Variants in LRP1B observed in about 807,000 individuals in gnomAD.
LRP1B encodes the protein low-density lipoprotein receptor-related protein 1B.
Under a neutral mutation model 556.6 loss-of-function variants are expected in LRP1B, and 217 were observed. That is an observed-to-expected ratio of 0.39 (90% CI 0.35 to 0.44). LRP1B has a LOEUF of 0.44. Among genes scored for constraint, LRP1B ranks in the 20% least tolerant of loss-of-function variants. The pLI, the probability that LRP1B is intolerant of heterozygous loss-of-function variation, is 1.00. For missense variants in LRP1B, 5,053 were observed against 5,620.8 expected, an observed-to-expected ratio of 0.90 and a Z score of 3.23; for synonymous variants, 2,047 against 1,865.8, an observed-to-expected ratio of 1.10 and a Z score of -2.50.
At chr2:141,906,173 A>G (rs1699755447) in intron 1 of LRP1B, among the ~76,000 whole-genome samples, 1 of 151,904 alleles carries the variant, frequency 6.6e-6, no homozygotes, top group African/African-American at 2.4e-5. Flanking sequence ...TGAAACATAC[A>G]GAGCACTTTT....
At chr2:141,223,647 G>A (rs1457615931) in intron 6 of LRP1B, among the ~76,000 whole-genome samples, 3 of 152,170 alleles carry the variant, frequency 2.0e-5, no homozygotes, top group Admixed American at 2.0e-4. Context: ...CAAGGCTACA[G>A]TAACCAAAAC....
At chr2:141,004,838 G>T (rs1697522958) in intron 15 of LRP1B, among the ~76,000 whole-genome samples, 1 of 152,064 alleles carries the variant, frequency 6.6e-6, no homozygotes, top group African/African-American at 2.4e-5. Context: ...GTCAGCAAAA[G>T]TTAATAAAAT....
chr2:141,668,689 A>C (rs1431511584), intron 2 of LRP1B, among the ~76,000 whole-genome samples: 1 of 152,152 alleles, frequency 6.6e-6, no homozygotes, highest in African/African-American at 2.4e-5. Flanking sequence ...CTTCAAGTCC[A>C]TGTATAATCT....
chr2:141,611,560 A>G (rs1688109451), intron 2 of LRP1B, among the ~76,000 whole-genome samples: 1 of 152,186 alleles, frequency 6.6e-6, no homozygotes, highest in Admixed American at 6.5e-5. Context: ...AAGGAGAGGG[A>G]TTTGCATTAG....
chr2:140,595,102 A>ATATATC (rs1682383595), intron 43 of LRP1B, among the ~76,000 whole-genome samples: 1 of 56,276 alleles, frequency 1.8e-5, no homozygotes, highest in Non-Finnish European at 3.5e-5. Context: ...ATATATATAT[A>ATATATC]TATATATATA....
intron 77 of LRP1B, among the ~76,000 whole-genome samples, chr2:140,346,554 A>T (rs573472694): frequency 6.6e-5 from 10 of 151,900 alleles, no homozygotes; most frequent in Non-Finnish European, 1.5e-4. Flanking sequence ...GTAGTTGTTG[A>T]CTGGTTTGAA....
chr2:141,277,692 T>A (rs1050208137), intron 3 of LRP1B, among the ~76,000 whole-genome samples: 1 of 150,074 alleles, frequency 6.7e-6, no homozygotes, highest in African/African-American at 2.5e-5. Context: ...TGTTGGTGCA[T>A]ATATGTCAGA....
At chr2:140,970,830 T>C (rs1696398553) in intron 18 of LRP1B, among the ~76,000 whole-genome samples, 1 of 142,022 alleles carries the variant, frequency 7.0e-6, no homozygotes, top group African/African-American at 2.6e-5. Flanking sequence ...AGCCTGGACG[T>C]CCTGGGTTCA....
rs73965758 is a variant in LRP1B at position 141,634,475 on chromosome 2, G to C, written c.206-153942C>G. On this transcript the variant is annotated intron_variant, in intron 2 of 90. Coordinates refer to ENST00000389484, the MANE Select transcript of LRP1B (RefSeq NM_018557.3). ...AAACAGATGTCTAGAAAAGATGAGT[G>C]ACATTTCTTTTAATTTACCAAAGTA... Among the ~76,000 whole-genome samples, 961 of 152,020 alleles carry C rather than the reference G, an allele frequency of 6.3e-3. 13 individuals are homozygous for C. The highest frequency in any genetic ancestry group is 0.022 in the African/African-American group (917 of 41,506).
At chr2:140,443,934 A>T (rs1218611214) in intron 65 of LRP1B, among the ~76,000 whole-genome samples, 1 of 152,174 alleles carries the variant, frequency 6.6e-6, no homozygotes, top group Non-Finnish European at 1.5e-5. Context: ...TGGAGAAAAC[A>T]CTCTCTAATT....
At chr2:141,255,793 G>T (rs970104105) in intron 3 of LRP1B, among the ~76,000 whole-genome samples, 1 of 151,596 alleles carries the variant, frequency 6.6e-6, no homozygotes, top group Non-Finnish European at 1.5e-5. Context: ...TTCACAGTTA[G>T]TTGAATTCGT....
intron 2 of LRP1B, among the ~76,000 whole-genome samples, chr2:141,580,037 G>A (rs1686908425): frequency 1.3e-5 from 2 of 151,940 alleles, no homozygotes; most frequent in African/African-American, 4.8e-5. Context: ...TTTGATTTCG[G>A]GAATAAGAAA....
At chr2:141,856,799 G>A (rs954562984) in intron 1 of LRP1B, among the ~76,000 whole-genome samples, 6 of 151,942 alleles carry the variant, frequency 3.9e-5, no homozygotes, top group Non-Finnish European at 8.8e-5. Context: ...ATCAGATCTC[G>A]CTCCCCGTTT....
At chr2:140,983,915 A>G (rs1292196079) in intron 17 of LRP1B, among the ~76,000 whole-genome samples, 1 of 151,912 alleles carries the variant, frequency 6.6e-6, no homozygotes, top group Non-Finnish European at 1.5e-5. Context: ...TTAATGTTAA[A>G]ATTACAAGTA....
At chr2:142,072,467 T>TA (rs1433214065) in intron 1 of LRP1B, among the ~76,000 whole-genome samples, 1 of 152,002 alleles carries the variant, frequency 6.6e-6, no homozygotes, top group Admixed American at 6.6e-5. Context: ...ACATGCTCCC[T>TA]AACCCCTCAA....
chr2:140,252,066 A>AAAAAAAAAAAACAAAAAAAAAC (rs1681449526), intron 86 of LRP1B, among the ~76,000 whole-genome samples: 1 of 114,072 alleles, frequency 8.8e-6, no homozygotes, highest in African/African-American at 3.5e-5. Context: ...AAGATGCAAA[A>AAAAAAAAAAAACAAAAAAAAAC]AAAAAAAAAA....
chr2:140,539,950 A>G (rs914713172), intron 45 of LRP1B, among the ~76,000 whole-genome samples: 57 of 152,256 alleles, frequency 3.7e-4, no homozygotes, highest in African/African-American at 1.3e-3. Context: ...TTTGGGTTGT[A>G]GTATCAACTT....
chr2:141,928,035 G>T (rs745306146), intron 1 of LRP1B, among the ~76,000 whole-genome samples: 15 of 151,398 alleles, frequency 9.9e-5, no homozygotes, highest in Non-Finnish European at 2.2e-4. Flanking sequence ...GTTTACAGCT[G>T]TCTATGTTCA....
chr2:140,987,336 G>A (rs1696956478), intron 17 of LRP1B, among the ~76,000 whole-genome samples: 1 of 152,038 alleles, frequency 6.6e-6, no homozygotes, highest in Non-Finnish European at 1.5e-5. Context: ...TAGACCACAG[G>A]ACTTGAATAT....
Sources: allele counts gnomAD v4.1 joint callset (sites outside exome capture counted in the v4.1 genomes callset), GRCh38; gene constraint gnomAD v4.1.1; transcripts MANE v1.5; gene names NCBI Gene and HGNC (gene_info 2026-07-23, HGNC 2026-07-21).